Variants in RFX2 observed in about 807,000 individuals in gnomAD.
RFX2 encodes the protein regulatory factor X2.
In RFX2, 20 loss-of-function variants were observed where a neutral mutation model predicts 87.8. The ratio of observed to expected loss-of-function variants is 0.23; its 90% CI spans 0.16 to 0.33. RFX2 has a LOEUF of 0.33. Among genes scored for constraint, RFX2 ranks in the 10% least tolerant of loss-of-function variants. RFX2 has a pLI of 1.00. For missense variants in RFX2, 767 were observed against 1,012.3 expected (o/e 0.76, Z 3.29); for synonymous variants, 397 against 431.3 (o/e 0.92, Z 0.98).
At chr19:6,048,128 T>C in intron 1 of RFX2, among the ~76,000 whole-genome samples, 1 of 152,164 alleles carries the variant, frequency 6.6e-6, no homozygotes, top group East Asian at 1.9e-4. Flanking sequence ...TGGAGGGCAG[T>C]GTGAGAACCA....
chr19:5,997,002 C>A lies in RFX2; in HGVS notation c.2013+58G>T. On this transcript the variant is annotated intron_variant, in intron 16 of 17. Coordinates refer to ENST00000303657, the MANE Select transcript of RFX2 (RefSeq NM_000635.4). The surrounding 1 kb of genome is among the most constrained non-coding windows in gnomAD (Gnocchi z 4.2). ...TCTCTCTGGGCTGCTCAGAGCACACCGCCCTCTCCCCACAGGCCCGGCCAA... is the reference window on the plus strand; with the variant it reads ...TCTCTCTGGGCTGCTCAGAGCACACAGCCCTCTCCCCACAGGCCCGGCCAA... 1.3e-6 allele frequency: 2 copies of A among 1,545,264 alleles called. No homozygotes were observed. The highest frequency in any genetic ancestry group is 8.7e-7 in the Non-Finnish European group (1 of 1,144,412).
chr19:6,054,804 G>A (rs760684790), intron 1 of RFX2, among the ~76,000 whole-genome samples: 27 of 152,270 alleles, frequency 1.8e-4, no homozygotes, highest in East Asian at 5.8e-4. Context: ...TAGGAGGTTA[G>A]ACAAAGGTTT....
chr19:6,075,633 G>A (rs760460534), intron 1 of RFX2, among the ~76,000 whole-genome samples: 6 of 152,146 alleles, frequency 3.9e-5, no homozygotes, highest in Admixed American at 1.3e-4. Context: ...GGAGCTGCCC[G>A]GTGCTGAGCT....
chr19:6,013,190 TC>T lies in RFX2; in HGVS notation c.780-86del. On this transcript the variant is annotated intron_variant, in intron 7 of 17. Transcript: ENST00000303657. This position sits in a 1 kb window ranked among gnomAD's most constrained non-coding sequence, Gnocchi z 4.1. ...GTTGGGATTCTTTTTCTTTCTTTCT[TC>T]TTTTTTTTTTTTGAGACAGAATCTC... is the stretch of plus-strand genomic sequence containing the variant. 3.7e-6 allele frequency: 5 copies of T among 1,343,688 alleles called. No homozygotes were observed. The highest frequency in any genetic ancestry group is 1.6e-5 in the South Asian group (1 of 61,940). The allele number at this position is 1,343,688 out of a possible 1,614,324, so 83.2% of individuals were successfully genotyped here.
intron 1 of RFX2, among the ~76,000 whole-genome samples, chr19:6,105,545 G>A (rs990760684): frequency 4.6e-5 from 7 of 152,066 alleles, no homozygotes; most frequent in Admixed American, 1.3e-4. Flanking sequence ...GGAGGGTTTC[G>A]AGCTGAGGGG....
Position 5,997,668 on chromosome 19 carries a change from C to A in RFX2, c.1860-455G>T, listed in dbSNP as rs1022883355. ...CGTATCCTTGCCACCTCCCGCCATT[C>A]CTCAGCCTGTGGTTTCAGGCACCTA... On this transcript the variant is annotated intron_variant, in intron 15 of 17. Coordinates refer to ENST00000303657, the MANE Select transcript of RFX2 (RefSeq NM_000635.4). The surrounding 1 kb of genome is among the most constrained non-coding windows in gnomAD (Gnocchi z 4.2). Among the ~76,000 whole-genome samples the A allele has an allele frequency of 6.6e-6, 1 of 152,182 alleles. No individual in the cohort carries two copies. The highest frequency in any genetic ancestry group is 2.4e-5 in the African/African-American group (1 of 41,436).
chr19:6,073,002 C>A (rs897633524), intron 1 of RFX2: 3 of 551,106 alleles, frequency 5.4e-6, no homozygotes, highest in Non-Finnish European at 9.9e-6. Context: ...TTTTTTGAGA[C>A]AGAGTCTCAC....
intron 13 of RFX2, among the ~76,000 whole-genome samples, chr19:6,003,197 A>G (rs2086518684): frequency 6.6e-6 from 1 of 152,128 alleles, no homozygotes; most frequent in South Asian, 2.1e-4. Flanking sequence ...CCTGAGTGCT[A>G]CAGGATCAGA....
At chr19:6,077,592 T>C (rs1296940091) in intron 1 of RFX2, among the ~76,000 whole-genome samples, 2 of 152,232 alleles carry the variant, frequency 1.3e-5, no homozygotes, top group Non-Finnish European at 2.9e-5. Context: ...AAACAGTGCA[T>C]GGCCACACAA....
chr19:6,049,673 C>T (rs1043478295), intron 1 of RFX2, among the ~76,000 whole-genome samples: 7 of 152,176 alleles, frequency 4.6e-5, no homozygotes, highest in African/African-American at 1.7e-4. Context: ...AGATTACAGG[C>T]ACCCACCATC....
chr19:6,077,501 ACAGT>A (rs2087708637), intron 1 of RFX2, among the ~76,000 whole-genome samples: 1 of 152,192 alleles, frequency 6.6e-6, no homozygotes, highest in Non-Finnish European at 1.5e-5. Flanking sequence ...TCAAACCTAC[ACAGT>A]CAGAGACAAA....
chr19:6,005,063 G>A (rs1442655615), intron 12 of RFX2, among the ~76,000 whole-genome samples: 1 of 152,110 alleles, frequency 6.6e-6, no homozygotes, highest in Non-Finnish European at 1.5e-5. Flanking sequence ...AGACTGCAGT[G>A]AGCCTCCTGC....
At chr19:6,108,640 C>T (rs1358420745) in intron 1 of RFX2, among the ~76,000 whole-genome samples, 2 of 152,088 alleles carry the variant, frequency 1.3e-5, no homozygotes, top group Admixed American at 1.3e-4. Flanking sequence ...ATTTATGATA[C>T]AAAGCAGGAA....
intron 15 of RFX2, among the ~76,000 whole-genome samples, chr19:6,000,041 A>G (rs369224564): frequency 3.3e-5 from 5 of 151,832 alleles, no homozygotes; most frequent in East Asian, 1.9e-4. Flanking sequence ...CTGGAGTGAA[A>G]TAGCACGGTC....
rs570107366 is a variant in RFX2 at position 6,027,676 on chromosome 19, GTGGGTCTCAATCATT to G, written c.523-1454_523-1440del. Among the ~76,000 whole-genome samples the G allele has an allele frequency of 2.1e-4, 32 of 152,334 alleles. No individual in the cohort carries two copies. Among genetic ancestry groups the G allele is most frequent in the African/African-American group, 7.2e-4 (30 of 41,570 alleles). On this transcript the variant is annotated intron_variant, in intron 5 of 17. Transcript: ENST00000303657. The surrounding 1 kb of genome is among the most constrained non-coding windows in gnomAD (Gnocchi z 5.0). Reference sequence around the variant, plus strand: ...AAGAAAACACTGTCTCTCCAACATAGTGGGTCTCAATCATTTGGTCTATTAAAAAATACACTATTA... The same window carrying G: ...AAGAAAACACTGTCTCTCCAACATAGTGGTCTATTAAAAAATACACTATTA...
rs571645524 is a variant in RFX2 at position 6,102,504 on chromosome 19, C to G, written c.-9+7889G>C. Among the ~76,000 whole-genome samples the G allele has an allele frequency of 7.8e-4, 119 of 152,346 alleles. 2 individuals carry two copies. In the South Asian group the frequency reaches 9.9e-3, roughly 13 times the overall value. On this transcript the variant is annotated intron_variant, in intron 1 of 17. Transcript: ENST00000303657. ...TGACAGGTACCGGCTGATGTGAACTCTACCAATGATCCAGTTTATACTTCG... is the reference window on the plus strand; with the variant it reads ...TGACAGGTACCGGCTGATGTGAACTGTACCAATGATCCAGTTTATACTTCG...
chr19:6,096,470 G>T (rs1169698764), intron 1 of RFX2, among the ~76,000 whole-genome samples: 1 of 151,818 alleles, frequency 6.6e-6, no homozygotes, highest in African/African-American at 2.4e-5. Context: ...GTTTTGAGAT[G>T]GAGTCTTGCT....
chr19:6,058,570 CG>C (rs1343092103), intron 1 of RFX2, among the ~76,000 whole-genome samples: 1 of 150,846 alleles, frequency 6.6e-6, no homozygotes, highest in Non-Finnish European at 1.5e-5. Flanking sequence ...GCCTAAGCCA[CG>C]GGGGTGCCCG....
chr19:6,073,972 A>G (rs2087646338), intron 1 of RFX2, among the ~76,000 whole-genome samples: 1 of 152,134 alleles, frequency 6.6e-6, no homozygotes, highest in African/African-American at 2.4e-5. Flanking sequence ...TCGTCCTCAC[A>G]CAGGAATGAC....
Sources: gnomAD v4.1 joint callset for allele counts (sites outside exome capture counted in the v4.1 genomes callset) on GRCh38, gnomAD v4.1.1 for gene constraint, Gnocchi (gnomAD v3.1) non-coding constraint, MANE v1.5 for transcripts, NCBI Gene and HGNC (gene_info 2026-07-23, HGNC 2026-07-21) for gene names.